DLGAP2: variants seen among roughly 807,000 people sequenced by gnomAD.
DLGAP2 encodes the protein disks large-associated protein 2.
A neutral mutation model predicts 100.3 loss-of-function variants in DLGAP2; 26 were observed. The ratio of observed to expected loss-of-function variants is 0.26; its 90% CI spans 0.19 to 0.36. The LOEUF (loss-of-function observed/expected upper bound fraction) is 0.36. Ranked by LOEUF, DLGAP2 falls within the 10% of genes least tolerant of loss-of-function variation. The probability of loss-of-function intolerance (pLI) is 1.00; values close to 1 mark genes in which losing one functional copy is unlikely to be tolerated. For missense variants in DLGAP2, 1,858 were observed against 1,453.2 expected, an observed-to-expected ratio of 1.28 and a Z score of -4.53; for synonymous variants, 886 against 630.1, an observed-to-expected ratio of 1.41 and a Z score of -6.08.
At chr8:1,457,458 C>T (rs898367739) in intron 3 of DLGAP2, among the ~76,000 whole-genome samples, 1 of 152,148 alleles carries the variant, frequency 6.6e-6, no homozygotes. Context: ...TATACTCGGT[C>T]TCCTAGAAAC....
At chr8:752,089 C>A (rs1466227915) in intron 1 of DLGAP2, among the ~76,000 whole-genome samples, 1 of 152,214 alleles carries the variant, frequency 6.6e-6, no homozygotes, top group East Asian at 1.9e-4. Context: ...TTCACTCACC[C>A]AGTTTTCATC....
intron 2 of DLGAP2, among the ~76,000 whole-genome samples, chr8:1,060,719 C>A (rs375461903): frequency 6.6e-6 from 1 of 152,232 alleles, no homozygotes; most frequent in Non-Finnish European, 1.5e-5. Flanking sequence ...GGTGTCCTCA[C>A]TGAATGACTG....
At chr8:798,268 G>A (rs1796076528) in intron 1 of DLGAP2, among the ~76,000 whole-genome samples, 1 of 149,424 alleles carries the variant, frequency 6.7e-6, no homozygotes, top group Admixed American at 6.6e-5. Flanking sequence ...TGTTGATTCA[G>A]GACCTGCAGC....
Position 1,498,640 on chromosome 8 carries a change from C to G in DLGAP2, c.107-2726C>G, listed in dbSNP as rs1004393529. Among the ~76,000 whole-genome samples, 3 of 152,278 alleles carry G rather than the reference C, an allele frequency of 2.0e-5. 1 individual carries two copies. In the East Asian group the frequency reaches 5.8e-4, roughly 29 times the overall value. Reference sequence around the variant, plus strand: ...TAAAGCTCAGCACATACGTTAAGCACAGTAAGAGAGTAACCTGAATAACTG... The same window carrying G: ...TAAAGCTCAGCACATACGTTAAGCAGAGTAAGAGAGTAACCTGAATAACTG... On this transcript the variant is annotated intron_variant, in intron 3 of 14. Coordinates refer to ENST00000637795, the MANE Select transcript of DLGAP2 (RefSeq NM_001346810.2).
At chr8:1,177,217 C>A (rs561132188) in intron 2 of DLGAP2, among the ~76,000 whole-genome samples, 1 of 152,102 alleles carries the variant, frequency 6.6e-6, no homozygotes, top group Non-Finnish European at 1.5e-5. Context: ...TTCAGCTATG[C>A]GGTTTGTCTT....
intron 2 of DLGAP2, among the ~76,000 whole-genome samples, chr8:959,115 A>G (rs938560692): frequency 6.6e-6 from 1 of 152,240 alleles, no homozygotes; most frequent in Non-Finnish European, 1.5e-5. Flanking sequence ...TAACAGTAAT[A>G]AAGTGATAAT....
intron 4 of DLGAP2, among the ~76,000 whole-genome samples, chr8:1,527,944 C>G (rs1376179204): frequency 6.6e-6 from 1 of 151,702 alleles, no homozygotes; most frequent in Non-Finnish European, 1.5e-5. Context: ...GTTCATTCAA[C>G]TGATTGTATT....
chr8:1,544,053 C>A (rs998177282), intron 4 of DLGAP2, among the ~76,000 whole-genome samples: 1 of 152,088 alleles, frequency 6.6e-6, no homozygotes, highest in African/African-American at 2.4e-5. Flanking sequence ...CATGTGCCTA[C>A]TACTATGCCT....
chr8:1,336,388 G>T (rs1801274211), intron 3 of DLGAP2, among the ~76,000 whole-genome samples: 1 of 152,242 alleles, frequency 6.6e-6, no homozygotes, highest in African/African-American at 2.4e-5. Flanking sequence ...TGGCGAGGAG[G>T]AGGAGGAAAG....
intron 3 of DLGAP2, among the ~76,000 whole-genome samples, chr8:1,340,752 C>T (rs1394523729): frequency 1.3e-5 from 2 of 152,186 alleles, no homozygotes; most frequent in East Asian, 1.9e-4. Context: ...AATAGAAACC[C>T]TTCTGTGACA....
At chr8:890,147 G>GT (rs1310607397) in intron 1 of DLGAP2, among the ~76,000 whole-genome samples, 2 of 152,052 alleles carry the variant, frequency 1.3e-5, no homozygotes, top group African/African-American at 2.4e-5. Context: ...TGCTTATTTT[G>GT]TTTTTTTCCG....
chr8:1,232,088 T>G (rs1275898510), intron 2 of DLGAP2, among the ~76,000 whole-genome samples: 1 of 152,198 alleles, frequency 6.6e-6, no homozygotes, highest in African/African-American at 2.4e-5. Context: ...CTTTTTAACT[T>G]TAATTTGAAG....
intron 2 of DLGAP2, among the ~76,000 whole-genome samples, chr8:1,010,555 A>G (rs1040965433): frequency 2.0e-5 from 3 of 152,238 alleles, no homozygotes; most frequent in Admixed American, 6.5e-5. Context: ...AGTGAAGAGT[A>G]GAGCCATTTT....
At chr8:1,097,931 G>A (rs1274940620) in intron 2 of DLGAP2, among the ~76,000 whole-genome samples, 2 of 152,076 alleles carry the variant, frequency 1.3e-5, no homozygotes, top group Non-Finnish European at 2.9e-5. Flanking sequence ...GGAGCCTAGG[G>A]CAGGCTTTTG....
intron 2 of DLGAP2, among the ~76,000 whole-genome samples, chr8:969,155 G>A (rs1025740476): frequency 6.6e-6 from 1 of 152,228 alleles, no homozygotes; most frequent in African/African-American, 2.4e-5. Context: ...ATGGGCTCAC[G>A]CAATCCCCTC....
chr8:1,410,965 T>C (rs1796714940), intron 3 of DLGAP2, among the ~76,000 whole-genome samples: 1 of 152,204 alleles, frequency 6.6e-6, no homozygotes, highest in African/African-American at 2.4e-5. Context: ...TTGTTATAAT[T>C]GCATAGTGTT....
chr8:1,617,151 G>T (rs1010243598), intron 6 of DLGAP2, among the ~76,000 whole-genome samples: 1 of 152,196 alleles, frequency 6.6e-6, no homozygotes, highest in African/African-American at 2.4e-5. Flanking sequence ...CATTTAGGTT[G>T]ATTCCATGTT....
intron 6 of DLGAP2, among the ~76,000 whole-genome samples, chr8:1,594,892 G>T (rs2130684295): frequency 6.6e-6 from 1 of 152,226 alleles, no homozygotes; most frequent in South Asian, 2.1e-4. Flanking sequence ...AGCCAATTCT[G>T]TCCCACCTCT....
chr8:1,412,841 A>T (rs1796772452), intron 3 of DLGAP2, among the ~76,000 whole-genome samples: 1 of 151,252 alleles, frequency 6.6e-6, no homozygotes, highest in African/African-American at 2.4e-5. Context: ...TCCAGTGCTC[A>T]GGGCCACCTG....
Sources: gnomAD v4.1 joint callset for allele counts (sites outside exome capture counted in the v4.1 genomes callset) on GRCh38, gnomAD v4.1.1 for gene constraint, MANE v1.5 for transcripts, NCBI Gene and HGNC (gene_info 2026-07-23, HGNC 2026-07-21) for gene names.